Variants in CFAP77 observed in about 807,000 individuals in gnomAD.
CFAP77 encodes the protein cilia- and flagella-associated protein 77.
Under a neutral mutation model 31.1 loss-of-function variants are expected in CFAP77, and 25 were observed. The observed-to-expected ratio is 0.80, with a 90% CI of 0.59 to 1.12. The LOEUF is 1.12. Among genes scored for constraint, CFAP77 ranks in the 50% most tolerant of loss-of-function variants. The pLI is 0.00. For missense variants in CFAP77, 377 were observed against 397.3 expected, an observed-to-expected ratio of 0.95 and a Z score of 0.44; for synonymous variants, 151 against 159.9, an observed-to-expected ratio of 0.94 and a Z score of 0.42.
chr9:132,432,515 C>T (rs10116603), intron 1 of CFAP77, among the ~76,000 whole-genome samples: 3,699 of 148,860 alleles, frequency 0.025, 142 homozygotes, highest in African/African-American at 0.087. Flanking sequence ...AAGAGGGTCC[C>T]TTCTTAGTCC....
rs527868008 is a variant in CFAP77, at chr9:132,429,690, C to CAA, written c.195+19238_195+19239dup. On this transcript the variant is annotated intron_variant, in intron 1 of 5. Transcript: ENST00000393216. ...AAACCCCGTCTCTACTAACAAAATACAAAAAAAAAAAAAAAGTTAGCCGGA... is the reference window on the plus strand; with the variant it reads ...AAACCCCGTCTCTACTAACAAAATACAAAAAAAAAAAAAAAAAGTTAGCCGGA... Among the ~76,000 whole-genome samples, 404 of 129,516 alleles carry CAA rather than the reference C, an allele frequency of 3.1e-3. 3 individuals carry two copies. Among genetic ancestry groups the CAA allele is most frequent in the African/African-American group, 9.6e-3 (339 of 35,266 alleles). The allele number at this position is 129,516 out of a possible 152,430, so 85.0% of individuals were successfully genotyped here. A position where few individuals can be genotyped will look rare whatever the true frequency, so the allele number is the denominator to read the frequency against.
At chr9:132,512,293 AT>A (rs1441488724) in intron 3 of CFAP77, among the ~76,000 whole-genome samples, 3 of 152,164 alleles carry the variant, frequency 2.0e-5, no homozygotes. Flanking sequence ...TTACAAAGAT[AT>A]TTATCATTGG....
chr9:132,445,342 A>G (rs1228532849), intron 1 of CFAP77, among the ~76,000 whole-genome samples: 1 of 152,030 alleles, frequency 6.6e-6, no homozygotes, highest in African/African-American at 2.4e-5. Context: ...GAAGCCTACC[A>G]TGTTTGTGTT....
At chr9:132,522,834 G>T (rs1283180868) in intron 3 of CFAP77, among the ~76,000 whole-genome samples, 1 of 152,202 alleles carries the variant, frequency 6.6e-6, no homozygotes, top group Admixed American at 6.5e-5. Flanking sequence ...ACCTGTGCAT[G>T]GTAGGCGGAG....
At chr9:132,547,546 G>C (rs1325884309) in intron 5 of CFAP77, among the ~76,000 whole-genome samples, 5 of 152,210 alleles carry the variant, frequency 3.3e-5, no homozygotes, top group African/African-American at 9.6e-5. Context: ...CTATGCTGGC[G>C]AACAGGCCAG....
At chr9:132,447,524 G>A (rs1426174723) in intron 1 of CFAP77, among the ~76,000 whole-genome samples, 3 of 152,318 alleles carry the variant, frequency 2.0e-5, no homozygotes, top group South Asian at 4.1e-4. Flanking sequence ...CCCTGCTCCT[G>A]CCACCAGGAG....
chr9:132,535,954 C>T (rs1417928561), intron 3 of CFAP77, among the ~76,000 whole-genome samples: 2 of 152,102 alleles, frequency 1.3e-5, no homozygotes, highest in African/African-American at 2.4e-5. Context: ...TCTGTCATTT[C>T]CTTCCTGTTC....
intron 1 of CFAP77, among the ~76,000 whole-genome samples, chr9:132,434,227 C>T (rs947901716): frequency 1.3e-5 from 2 of 152,132 alleles, no homozygotes; most frequent in African/African-American, 4.8e-5. Context: ...GACCCCATCC[C>T]CGCTCTGAGG....
rs553471712 is a variant in CFAP77, at chr9:132,427,842, A to G, written c.195+17376A>G. 1.2e-4 allele frequency among the ~76,000 whole-genome samples: 18 copies of G among 152,280 alleles called. No individual in the cohort carries two copies. In the South Asian group the frequency reaches 3.1e-3, roughly 26 times the overall value. On this transcript the variant is annotated intron_variant, in intron 1 of 5. Transcript: ENST00000393216. ...TCTCCTGCAGTATCATCTCATAATT[A>G]CAAATTATCTTGCCAATGACCCTAT...
chr9:132,493,499 C>G (rs533668331), intron 1 of CFAP77, among the ~76,000 whole-genome samples: 27 of 152,336 alleles, frequency 1.8e-4, no homozygotes, highest in Non-Finnish European at 3.4e-4. Context: ...ATTGCTCCAT[C>G]AGCAGAGAGT....
intron 1 of CFAP77, among the ~76,000 whole-genome samples, chr9:132,463,169 G>A (rs946624626): frequency 3.3e-5 from 5 of 152,186 alleles, no homozygotes; most frequent in East Asian, 1.9e-4. Context: ...TGTGGATGAC[G>A]TCGCAAGTCA....
At position 132,498,713 on chromosome 9, in the gene CFAP77, C is replaced by T. The variant is rs775494178; in HGVS notation, c.214C>T (p.Arg72Trp). The T allele has an allele frequency of 1.5e-5, 24 of 1,611,768 alleles. No homozygotes were observed. Among genetic ancestry groups the T allele is most frequent in the Non-Finnish European group, 2.0e-5 (24 of 1,178,914 alleles). Residue 72 changes from arginine to tryptophan, a missense_variant, in exon 2 of 6, where the codon CGG (arginine) becomes TGG (tryptophan). Transcript: ENST00000393216. The surrounding 1 kb of genome is among the most constrained non-coding windows in gnomAD (Gnocchi z 4.2). ...LIVKAELGKP[R>W]ERSYSLPGIN... ...CCGACAGGCTGAACTCGGCAAGCCC[C>T]GGGAAAGAAGCTACAGTCTGCCCGG... is the stretch of plus-strand genomic sequence containing the variant.
In CFAP77 at chr9:132,424,307, C is replaced by T. The variant is rs1850277950; in HGVS notation, c.195+13841C>T. Among the ~76,000 whole-genome samples the T allele has an allele frequency of 6.6e-6, 1 of 152,020 alleles. No homozygotes were observed. The highest frequency in any genetic ancestry group is 1.5e-5 in the Non-Finnish European group (1 of 68,004). On this transcript the variant is annotated intron_variant, in intron 1 of 5. Transcript: ENST00000393216. The surrounding 1 kb of genome is among the most constrained non-coding windows in gnomAD (Gnocchi z 4.1). ...GTCCCAGCTACTCAGGAGGCTGAGG[C>T]AGGAGAATCACTTGAACCAGGGAGG...
At chr9:132,422,013 C>CTTTTTTTTT (rs1234375855) in intron 1 of CFAP77, among the ~76,000 whole-genome samples, 11 of 143,808 alleles carry the variant, frequency 7.6e-5, no homozygotes, top group African/African-American at 2.8e-4. Flanking sequence ...TCCCAGGTGG[C>CTTTTTTTTT]TTTTTTTTTT....
Position 132,444,086 on chromosome 9 carries a change from G to C in CFAP77, c.195+33620G>C, listed in dbSNP as rs138431022. ...AGAGCTGAGCAGCCACCAGGGTGAA[G>C]GCTCCACCTCGTCCTTCATTGGATT... On this transcript the variant is annotated intron_variant, in intron 1 of 5. Coordinates refer to ENST00000393216, the MANE Select transcript of CFAP77 (RefSeq NM_001282957.2). Among the ~76,000 whole-genome samples, 28 of 152,352 alleles carry C rather than the reference G, an allele frequency of 1.8e-4. No homozygotes were observed. In the South Asian group the frequency reaches 3.1e-3, roughly 17 times the overall value.
chr9:132,435,473 G>T (rs928481252), intron 1 of CFAP77, among the ~76,000 whole-genome samples: 1 of 152,146 alleles, frequency 6.6e-6, no homozygotes, highest in Non-Finnish European at 1.5e-5. Flanking sequence ...ATAACGACAC[G>T]CTAGGAAAAG....
At chr9:132,537,851 T>C in intron 4 of CFAP77, 145 bp downstream of exon 4, 1 of 644,016 alleles carries the variant, frequency 1.6e-6, no homozygotes, top group South Asian at 1.9e-5. Context: ...CTGCCCAGCA[T>C]CAGAGAATCT....
chr9:132,556,444 G>C (rs868013462), intron 5 of CFAP77, among the ~76,000 whole-genome samples: 5 of 152,174 alleles, frequency 3.3e-5, no homozygotes, highest in Non-Finnish European at 7.3e-5. Context: ...CAGCTTGTCA[G>C]GGCCTTTGTT....
intron 3 of CFAP77, among the ~76,000 whole-genome samples, chr9:132,516,077 C>T (rs773435931): frequency 6.6e-6 from 1 of 152,140 alleles, no homozygotes; most frequent in Non-Finnish European, 1.5e-5. Flanking sequence ...GGGGCACATA[C>T]CTGGTCTAAA....
Sources: allele counts gnomAD v4.1 joint callset (sites outside exome capture counted in the v4.1 genomes callset), GRCh38; gene constraint gnomAD v4.1.1; non-coding constraint Gnocchi (gnomAD v3.1); transcripts MANE v1.5; gene names NCBI Gene and HGNC (gene_info 2026-07-23, HGNC 2026-07-21).